COL4A6: variants seen among roughly 807,000 people sequenced by gnomAD.
COL4A6 encodes the protein collagen alpha-6(IV) chain.
COL4A6 carries 59 observed loss-of-function variants against 126.7 expected under a neutral mutation model. That is an observed-to-expected ratio of 0.47 (90% CI 0.38 to 0.58). COL4A6 has a LOEUF of 0.58. COL4A6 is among the 20% of genes least tolerant of loss of function. The probability of loss-of-function intolerance (pLI) is 0.00; values close to 1 mark genes in which losing one functional copy is unlikely to be tolerated. For synonymous variants in COL4A6, 547 were observed against 496.6 expected (o/e 1.10, Z -1.35); for missense variants, 1,285 against 1,337.3 (o/e 0.96, Z 0.61).
chrX:108,309,700 G>A (rs904487707), intron 3 of COL4A6, among the ~76,000 whole-genome samples: 3 of 109,651 alleles, frequency 2.7e-5, no homozygotes, highest in African/African-American at 6.7e-5. Flanking sequence ...ACTTTATTTT[G>A]ACAGTATAAG....
chrX:108,277,059 C>A, intron 3 of COL4A6, among the ~76,000 whole-genome samples: 1 of 112,023 alleles, frequency 8.9e-6, no homozygotes, highest in Non-Finnish European at 1.9e-5. Context: ...GTCTACAGCT[C>A]CCAGCGTGAG....
intron 2 of COL4A6, among the ~76,000 whole-genome samples, chrX:108,338,938 G>C (rs1053189445): frequency 1.8e-5 from 2 of 111,697 alleles, no homozygotes; most frequent in African/African-American, 6.5e-5. Flanking sequence ...ATATGAGAGA[G>C]ACATAGGATA....
rs756023482 is a variant in COL4A6, at chrX:108,169,598, A to G, written c.3588T>C (p.Pro1196=). The change falls in exon 37 of 45, where the codon CCT becomes CCC. Residue 1196 remains proline (P), a synonymous_variant. Transcript: ENST00000334504. The part of the protein sequence containing the change: ...GTPGPSITGV[P]GPAGLPGPKG... ...TGGGTCCAGGGAGACCAGCAGGCCC[A>G]GGCACACCGGTGATACTAGGTCCTA... 14 of 1,209,020 alleles carry G rather than the reference A, an allele frequency of 1.2e-5. No homozygotes were observed. The highest frequency in any genetic ancestry group is 1.6e-5 in the Non-Finnish European group (14 of 894,837).
At chrX:108,319,410 T>C (rs1402985327) in intron 2 of COL4A6, among the ~76,000 whole-genome samples, 1 of 111,205 alleles carries the variant, frequency 9.0e-6, no homozygotes, top group East Asian at 2.8e-4. Context: ...TGGAGGTAGA[T>C]AAAGGGAAGA....
rs374787595 is a variant in COL4A6, at chrX:108,234,645, G to A, written c.145-13271C>T. Among the ~76,000 whole-genome samples, 52 of 112,181 alleles carry A rather than the reference G, an allele frequency of 4.6e-4. No individual in the cohort carries two copies. The East Asian group carries it at 7.3e-3, about 16-fold the overall frequency. ...GGAACTCTCAATCCAAGTTAGAAAAGAGAAGTTATGCATGCACATGAGTAT... is the reference window on the plus strand; with the variant it reads ...GGAACTCTCAATCCAAGTTAGAAAAAAGAAGTTATGCATGCACATGAGTAT... On this transcript the variant is annotated intron_variant, in intron 3 of 44. Transcript: ENST00000334504.
In COL4A6 at chrX:108,196,509, AC is replaced by A; in HGVS notation, c.903+1del. ...CAGGCAAGTAACATTCGAGGTTCAT[AC>A]CCTAGGTCCTGGCAAACCAGGGATT... On this transcript the variant is annotated splice_donor_variant, in intron 14 of 44. Coordinates refer to ENST00000334504, the MANE Select transcript of COL4A6 (RefSeq NM_033641.4). LOFTEE classifies it high-confidence loss of function. The A allele has an allele frequency of 8.3e-7, 1 of 1,206,656 alleles. No individual in the cohort carries two copies. The highest frequency in any genetic ancestry group is 1.1e-6 in the Non-Finnish European group (1 of 891,359).
intron 2 of COL4A6, among the ~76,000 whole-genome samples, chrX:108,413,781 G>A (rs952890815): frequency 8.9e-6 from 1 of 112,071 alleles, no homozygotes; most frequent in South Asian, 3.7e-4. Context: ...GTACTCTGGA[G>A]AGTCACAAAG....
At chrX:108,415,039 C>T (rs1229721355) in intron 2 of COL4A6, among the ~76,000 whole-genome samples, 1 of 111,582 alleles carries the variant, frequency 9.0e-6, no homozygotes, top group Admixed American at 9.6e-5. Flanking sequence ...TTTCTCTTCT[C>T]TCCAACTAAT....
chrX:108,179,233 G>A lies in COL4A6; in HGVS notation c.2337C>T (p.Gly779=). The A allele has an allele frequency of 8.3e-7, 1 of 1,210,473 alleles. No individual in the cohort carries two copies. Among genetic ancestry groups the A allele is most frequent in the South Asian group, 1.8e-5 (1 of 56,819 alleles). ...TGHKGFLGDS[G]LPGLKGVHGK... ...AAGATTCACCCTTGAGTCCTGGAAG[G>A]CCAGAGTCTCCAAGAAATCCTTTGT... Residue 779 remains glycine, a synonymous_variant, in exon 26 of 45, where the codon GGC becomes GGT. Coordinates refer to ENST00000334504, the MANE Select transcript of COL4A6 (RefSeq NM_033641.4).
intron 2 of COL4A6, among the ~76,000 whole-genome samples, chrX:108,425,955 T>C (rs770672955): frequency 9.0e-6 from 1 of 111,317 alleles, no homozygotes; most frequent in Non-Finnish European, 1.9e-5. Flanking sequence ...TAATAGAGTG[T>C]CCCATTTTTC....
At chrX:108,160,775 A>G (rs994824577) in intron 42 of COL4A6, 121 bp from the exon 43 acceptor site, 8 of 634,899 alleles carry the variant, frequency 1.3e-5, no homozygotes, top group African/African-American at 6.9e-5. Context: ...CTCAATCCTC[A>G]CGATGACCCT....
chrX:108,179,585 C>T (rs982805584), intron 25 of COL4A6, 147 bp from the exon 26 acceptor site: 1 of 493,648 alleles, frequency 2.0e-6, no homozygotes, highest in African/African-American at 2.4e-5. Context: ...AGTCTCTGTT[C>T]CTGCAAGGCC....
rs745397689 is a variant in COL4A6, at chrX:108,187,255, C to T, written c.1792G>A (p.Gly598Ser). ...GGAAGTCCAGGTAACCCCTTTTCAC[C>T]TGGGAAGCCCTGTCCACCATCACCC... ...LPGDGGQGFP[G>S]EKGLPGLPGE... is the part of the protein sequence containing the mutation. The change falls in exon 23 of 45, where the codon GGT (glycine) becomes AGT (serine). Residue 598 changes from glycine to serine, a missense_variant. Gly to Ser is a moderately conservative substitution (Grantham distance 56). Transcript: ENST00000334504. 1 of 1,165,542 alleles carries T rather than the reference C, an allele frequency of 8.6e-7. No individual in the cohort carries two copies. The highest frequency in any genetic ancestry group is 2.4e-5 in the Admixed American group (1 of 42,442).
At position 108,431,723 on chromosome X, in the gene COL4A6, C is replaced by G. The variant is rs191233346; in HGVS notation, c.63+6219G>C. 3.5e-3 allele frequency among the ~76,000 whole-genome samples: 393 copies of G among 111,322 alleles called. 3 individuals are homozygous for G. Among genetic ancestry groups the G allele is most frequent in the Non-Finnish European group, 5.5e-3 (291 of 53,108 alleles). ...TGTGAGGGTGTTTCCAAAGGAGATT[C>G]ATGTATGAGTCCCAGTGGATAAGCT... On this transcript the variant is annotated intron_variant, in intron 2 of 44. Transcript: ENST00000334504.
At chrX:108,401,725 T>G (rs2041091805) in intron 2 of COL4A6, among the ~76,000 whole-genome samples, 1 of 111,243 alleles carries the variant, frequency 9.0e-6, no homozygotes, top group African/African-American at 3.3e-5. Flanking sequence ...CATTTACATG[T>G]TAACAGGGAG....
chrX:108,427,366 C>T (rs1357139637), intron 2 of COL4A6, among the ~76,000 whole-genome samples: 8 of 111,004 alleles, frequency 7.2e-5, no homozygotes, highest in Non-Finnish European at 1.1e-4. Context: ...GTTGAAGGGA[C>T]GAAAAAACAG....
intron 5 of COL4A6, among the ~76,000 whole-genome samples, chrX:108,216,544 AAACC>A (rs1165380240): frequency 8.9e-6 from 1 of 112,868 alleles, no homozygotes; most frequent in African/African-American, 3.2e-5. Context: ...CAGCAAGGGT[AAACC>A]ACAGGACTGA....
Position 108,169,514 on chromosome X carries a change from T to G in COL4A6, c.3672A>C (p.Arg1224Ser). The change falls in exon 37 of 45, where the codon AGA becomes AGC. Residue 1224 changes from arginine to serine, a missense_variant. By Grantham distance (110) the Arg-to-Ser change is moderately radical. Transcript: ENST00000334504. ...GIGAPGKPGL[R>S]GQKGDRGFPG... Reference sequence around the variant, plus strand: ...ACTCACCTCGATCACCTTTTTGCCCTCTCAGGCCCGGCTTCCCTGGAGCTC... The same window carrying G: ...ACTCACCTCGATCACCTTTTTGCCCGCTCAGGCCCGGCTTCCCTGGAGCTC... The G allele has an allele frequency of 8.3e-7, 1 of 1,211,662 alleles. No individual in the cohort carries two copies. The highest frequency in any genetic ancestry group is 1.1e-6 in the Non-Finnish European group (1 of 895,463).
chrX:108,165,255 C>A, intron 38 of COL4A6, 115 bp downstream of exon 38: 1 of 768,603 alleles, frequency 1.3e-6, no homozygotes, highest in Non-Finnish European at 2.0e-6. Flanking sequence ...GGATGTGAAG[C>A]CAAACACGCC....
Sources: allele counts gnomAD v4.1 joint callset (sites outside exome capture counted in the v4.1 genomes callset), GRCh38; gene constraint gnomAD v4.1.1; transcripts MANE v1.5; gene names NCBI Gene and HGNC (gene_info 2026-07-23, HGNC 2026-07-21).